Variants in ATP10D observed in about 807,000 individuals in gnomAD.
ATP10D encodes phospholipid-transporting ATPase VD.
A neutral mutation model predicts 144.8 loss-of-function variants in ATP10D; 89 were observed. The ratio of observed to expected loss-of-function variants is 0.61; its 90% CI spans 0.52 to 0.73. ATP10D has a LOEUF of 0.73. Among genes scored for constraint, ATP10D ranks in the 30% least tolerant of loss-of-function variants. The probability of loss-of-function intolerance (pLI) is 0.00; values close to 1 mark genes in which losing one functional copy is unlikely to be tolerated. For synonymous variants in ATP10D, 571 were observed against 615.1 expected (o/e 0.93, Z 1.06); for missense variants, 1,603 against 1,714.8 (o/e 0.93, Z 1.15).
rs761349102 is a variant in ATP10D, at chr4:47,557,841, CCAGCTT to C, written c.2005_2010del (p.Ala669_Ser670del). On this transcript the variant is annotated inframe_deletion, in exon 12 of 23. Transcript: ENST00000273859. ...ACTCCCTCTCTTTAGTCGAATGAAA[CCAGCTT>C]CACCTGTGGAGGAAGAGGTCTCCCA... The C allele has an allele frequency of 1.2e-6, 2 of 1,614,114 alleles. No individual in the cohort carries two copies. Among genetic ancestry groups the C allele is most frequent in the Non-Finnish European group, 1.7e-6 (2 of 1,180,046 alleles).
chr4:47,552,755 A>G (rs1366574243), intron 10 of ATP10D, among the ~76,000 whole-genome samples: 1 of 152,196 alleles, frequency 6.6e-6, no homozygotes, highest in Admixed American at 6.5e-5. Context: ...TATTAGTCAA[A>G]TAATTGCTGA....
At chr4:47,516,728 G>A (rs1716707895) in intron 3 of ATP10D, among the ~76,000 whole-genome samples, 1 of 152,170 alleles carries the variant, frequency 6.6e-6, no homozygotes, top group Non-Finnish European at 1.5e-5. Context: ...GATGATTTGA[G>A]ATTTCTTGGA....
intron 10 of ATP10D, 66 bp from the exon 11 acceptor site, chr4:47,554,660 C>A: frequency 1.5e-6 from 2 of 1,295,008 alleles, no homozygotes; most frequent in South Asian, 1.6e-5. Context: ...AGTTATTTCT[C>A]ATGTTGATTT....
At chr4:47,532,850 A>G (rs770810289) in intron 5 of ATP10D, among the ~76,000 whole-genome samples, 2 of 152,196 alleles carry the variant, frequency 1.3e-5, no homozygotes, top group Non-Finnish European at 2.9e-5. Context: ...ACGGGAGTCC[A>G]GACTGCATGT....
chr4:47,590,481 C>T (rs1720976477), intron 22 of ATP10D, among the ~76,000 whole-genome samples: 1 of 152,128 alleles, frequency 6.6e-6, no homozygotes, highest in South Asian at 2.1e-4. Context: ...GCAGTAGTAA[C>T]CAGGAAAAGA....
At position 47,525,632 on chromosome 4, in the gene ATP10D, C is replaced by T. The variant is rs1243544755; in HGVS notation, c.766C>T (p.Arg256Ter). The change falls in exon 5 of 23, where the codon CGA becomes TGA. Residue 256 changes from arginine (R) to a stop codon, truncating the protein, a stop_gained. Transcript: ENST00000273859. LOFTEE classifies it high-confidence loss of function. The part of the protein sequence containing the change: ...ESPNNDLSRF[R>*]GFLEHSNKER... ...CCCAAACAATGACCTCAGCAGATTC[C>T]GAGGCTTCCTGTGAGTAATACATGA... The T allele has an allele frequency of 1.1e-5, 18 of 1,611,620 alleles. No individual in the cohort carries two copies. Among genetic ancestry groups the T allele is most frequent in the Middle Eastern group, 1.6e-4 (1 of 6,072 alleles).
At chr4:47,570,795 T>C (rs1719908014) in intron 16 of ATP10D, among the ~76,000 whole-genome samples, 2 of 139,914 alleles carry the variant, frequency 1.4e-5, no homozygotes, top group Non-Finnish European at 3.2e-5. Context: ...AGAGCAAGAT[T>C]CTGTCTCAAA....
At chr4:47,553,168 A>C (rs1051258595) in intron 10 of ATP10D, among the ~76,000 whole-genome samples, 5 of 152,134 alleles carry the variant, frequency 3.3e-5, no homozygotes, top group Non-Finnish European at 7.4e-5. Context: ...CAACTTTACC[A>C]CTTTCTTCTA....
intron 3 of ATP10D, among the ~76,000 whole-genome samples, chr4:47,517,293 T>A (rs1377011405): frequency 3.3e-5 from 5 of 151,746 alleles, no homozygotes; most frequent in Non-Finnish European, 7.4e-5. Context: ...GGGGTGTGCG[T>A]GTAGTCCCAG....
chr4:47,499,335 T>C lies in ATP10D; in HGVS notation c.-37-13169T>C, dbSNP rs573421118. 6.6e-5 allele frequency among the ~76,000 whole-genome samples: 10 copies of C among 152,252 alleles called. No homozygotes were observed. In the East Asian group the frequency reaches 1.9e-3, roughly 29 times the overall value. On this transcript the variant is annotated intron_variant, in intron 1 of 22. Transcript: ENST00000273859. ...TTCAGTACCTATTTTCTAACAAATATAAGGAAAAGAAATCTCTAAATAGTG... is the reference window on the plus strand; with the variant it reads ...TTCAGTACCTATTTTCTAACAAATACAAGGAAAAGAAATCTCTAAATAGTG...
Position 47,591,514 on chromosome 4 carries a change from T to C in ATP10D, c.*133T>C. 1.4e-6 allele frequency: 1 copy of C among 696,124 alleles called. No individual in the cohort carries two copies. The highest frequency in any genetic ancestry group is 2.4e-6 in the Non-Finnish European group (1 of 425,218). The allele number at this position is 696,124 out of a possible 1,614,324, so 43.1% of individuals were successfully genotyped here. The stretch of plus-strand genomic sequence containing the variant: ...TTTACTAGGCTTGGAAGAGCTGACA[T>C]GATGAGCATTATTGTATGTTTGTAT... On this transcript the variant is annotated 3_prime_UTR_variant, in exon 23 of 23. Coordinates refer to ENST00000273859, the MANE Select transcript of ATP10D (RefSeq NM_020453.4).
At chr4:47,526,247 T>C (rs1319058843) in intron 5 of ATP10D, among the ~76,000 whole-genome samples, 2 of 152,154 alleles carry the variant, frequency 1.3e-5, no homozygotes, top group East Asian at 3.9e-4. Flanking sequence ...TCAGGTTTGG[T>C]TTAACATTAG....
At position 47,485,340 on chromosome 4, in the gene ATP10D, G is replaced by C. The variant is rs1714685290; in HGVS notation, c.-217G>C. ...AGGTTGCGAGCTCAGCACAGGCTCC[G>C]GCGCTGGCTCCCGCAGCTGAGTTTG... On this transcript the variant is annotated 5_prime_UTR_variant, in exon 1 of 23. Coordinates refer to ENST00000273859, the MANE Select transcript of ATP10D (RefSeq NM_020453.4). 1 of 152,318 alleles carries C rather than the reference G, an allele frequency of 6.6e-6. No homozygotes were observed. The highest frequency in any genetic ancestry group is 2.4e-5 in the African/African-American group (1 of 41,448). The allele number at this position is 152,318 out of a possible 1,614,324, so 9.4% of individuals were successfully genotyped here.
At chr4:47,563,995 A>G (rs961064595) in intron 15 of ATP10D, among the ~76,000 whole-genome samples, 2 of 152,178 alleles carry the variant, frequency 1.3e-5, no homozygotes, top group African/African-American at 4.8e-5. Flanking sequence ...CCCAGATTCA[A>G]GCAATTCTGC....
chr4:47,590,975 T>G (rs1721003540), intron 22 of ATP10D, 67 bp from the exon 23 acceptor site: 12 of 1,051,384 alleles, frequency 1.1e-5, no homozygotes, highest in South Asian at 1.8e-5. Context: ...TCGTTAGTAT[T>G]TGGGGGGGGG....
Position 47,572,994 on chromosome 4 carries a change from T to G in ATP10D, c.3363T>G (p.Asn1121Lys), listed in dbSNP as rs777051830. The G allele has an allele frequency of 8.7e-6, 14 of 1,613,974 alleles. No individual in the cohort carries two copies. The highest frequency in any genetic ancestry group is 1.2e-5 in the Non-Finnish European group (14 of 1,179,948). The change falls in exon 18 of 23, where the codon AAT (asparagine) becomes AAG (lysine). Residue 1121 changes from asparagine (N) to lysine (K), a missense_variant. Transcript: ENST00000273859. The stretch of plus-strand genomic sequence containing the variant: ...TGATTCTCTATTTTTTCTATAAGAA[T>G]GTGGTATGTAACCCCAGAGAATTTG... ...SNMILYFFYK[N>K]VAYVNLLFWY...
intron 4 of ATP10D, 67 bp from the exon 5 acceptor site, chr4:47,525,490 A>G (rs1717192942): frequency 1.8e-6 from 2 of 1,141,206 alleles, no homozygotes; most frequent in African/African-American, 1.5e-5. Context: ...GATGAAAGTG[A>G]TAAAACACTT....
At chr4:47,495,813 C>T (rs1715331893) in intron 1 of ATP10D, among the ~76,000 whole-genome samples, 2 of 151,708 alleles carry the variant, frequency 1.3e-5, no homozygotes, top group East Asian at 1.9e-4. Flanking sequence ...TCTCGGCTCA[C>T]TGCAACCTCC....
rs140450965 is a variant in ATP10D, at chr4:47,554,891, G to T, written c.1801G>T (p.Ala601Ser). 6.2e-6 allele frequency: 10 copies of T among 1,613,772 alleles called. No homozygotes were observed. The highest frequency in any genetic ancestry group is 8.5e-6 in the Non-Finnish European group (10 of 1,179,928). Residue 601 changes from alanine (A) to serine (S), a missense_variant, in exon 11 of 23, where the codon GCT becomes TCT. Physicochemically the swap from Ala to Ser is moderately conservative, Grantham distance 99. Coordinates refer to ENST00000273859, the MANE Select transcript of ATP10D (RefSeq NM_020453.4). ...AATTTGCAACACAGTAGTGGTTTCTGCTCCTAACCAACCCCGACAAAAGGT... is the reference window on the plus strand; with the variant it reads ...AATTTGCAACACAGTAGTGGTTTCTTCTCCTAACCAACCCCGACAAAAGGT... The part of the protein sequence containing the change: ...LAICNTVVVS[A>S]PNQPRQKIRH...
Sources: allele counts gnomAD v4.1 joint callset (sites outside exome capture counted in the v4.1 genomes callset), GRCh38; gene constraint gnomAD v4.1.1; transcripts MANE v1.5; gene names NCBI Gene and HGNC (gene_info 2026-07-23, HGNC 2026-07-21).